Variants in REDIC1 observed in about 807,000 individuals in gnomAD.
REDIC1 encodes HEI10 Interacting Protein 1.
chr12:39,722,995 T>G, the REDIC1 span, among the ~76,000 whole-genome samples: 1 of 152,086 alleles, frequency 6.6e-6, no homozygotes, highest in Non-Finnish European at 1.5e-5. Flanking sequence ...AAACTGAGAT[T>G]GGGTAGTCAG....
chr12:39,733,594 G>A, the REDIC1 span, among the ~76,000 whole-genome samples: 2 of 152,270 alleles, frequency 1.3e-5, no homozygotes. Flanking sequence ...TTTCAGAGAT[G>A]CCCTGCCCAG....
At chr12:39,705,765 T>C in the REDIC1 span, among the ~76,000 whole-genome samples, 1 of 152,048 alleles carries the variant, frequency 6.6e-6, no homozygotes, top group African/African-American at 2.4e-5. Context: ...TTAACATCCC[T>C]TCATGGTAAA....
the REDIC1 span, among the ~76,000 whole-genome samples, chr12:39,895,323 T>C: frequency 6.6e-6 from 1 of 151,312 alleles, no homozygotes; most frequent in Non-Finnish European, 1.5e-5. Context: ...ATCCCGTCTC[T>C]ACTAAAAATA....
At chr12:39,858,138 G>A in the REDIC1 span, among the ~76,000 whole-genome samples, 1 of 152,180 alleles carries the variant, frequency 6.6e-6, no homozygotes, top group Non-Finnish European at 1.5e-5. Context: ...ATGACAGGTG[G>A]ACAGAATCCT....
At chr12:39,786,077 A>G in the REDIC1 span, among the ~76,000 whole-genome samples, 1 of 151,458 alleles carries the variant, frequency 6.6e-6, no homozygotes, top group Non-Finnish European at 1.5e-5. Flanking sequence ...TTGGGAAGGC[A>G]TGATTAGTTT....
At chr12:39,713,378 A>G in the REDIC1 span, among the ~76,000 whole-genome samples, 152 of 137,564 alleles carry the variant, frequency 1.1e-3, 7 homozygotes, top group East Asian at 0.018. Flanking sequence ...ACACATATAC[A>G]TATGTATGTG....
chr12:39,696,404 G>T, the REDIC1 span, among the ~76,000 whole-genome samples: 4 of 149,724 alleles, frequency 2.7e-5, no homozygotes, highest in Non-Finnish European at 6.0e-5. Context: ...TTAGCCGGGC[G>T]TAGTGGCGGG....
At chr12:39,856,890 T>C in the REDIC1 span, among the ~76,000 whole-genome samples, 2 of 152,244 alleles carry the variant, frequency 1.3e-5, no homozygotes, top group Non-Finnish European at 2.9e-5. Flanking sequence ...GGGCCTTGTT[T>C]CATATTTATA....
chr12:39,835,820 T>C, the REDIC1 span: 1 of 152,120 alleles, frequency 6.6e-6, no homozygotes, highest in Non-Finnish European at 1.5e-5. Context: ...ACTTGGTTTA[T>C]GGAAAATAAT....
chr12:39,790,256 CATGTGCACATTG>C, the REDIC1 span, among the ~76,000 whole-genome samples: 3 of 147,948 alleles, frequency 2.0e-5, no homozygotes, highest in Non-Finnish European at 4.4e-5. Flanking sequence ...TTTTAGGGTA[CATGTGCACATTG>C]TGCAGGTTAG....
chr12:39,895,183 C>A, the REDIC1 span, among the ~76,000 whole-genome samples: 1 of 151,922 alleles, frequency 6.6e-6, no homozygotes, highest in Admixed American at 6.6e-5. Flanking sequence ...CCCTGAGTAA[C>A]AAGTAGTGGG....
the REDIC1 span, among the ~76,000 whole-genome samples, chr12:39,681,689 A>G: frequency 5.9e-5 from 9 of 152,182 alleles, no homozygotes; most frequent in Admixed American, 3.3e-4. Context: ...AGCTGTGAAC[A>G]TTCATGGGTA....
At chr12:39,822,582 C>T in the REDIC1 span, among the ~76,000 whole-genome samples, 1 of 152,122 alleles carries the variant, frequency 6.6e-6, no homozygotes, top group African/African-American at 2.4e-5. Context: ...GCTTACTTGC[C>T]CCAATGTTTG....
chr12:39,853,773 T>C, the REDIC1 span, among the ~76,000 whole-genome samples: 1 of 152,110 alleles, frequency 6.6e-6, no homozygotes, highest in Non-Finnish European at 1.5e-5. Context: ...ATAATCTATA[T>C]CTGTTTAGGA....
the REDIC1 span, among the ~76,000 whole-genome samples, chr12:39,708,023 G>A: frequency 6.6e-6 from 1 of 151,676 alleles, no homozygotes; most frequent in African/African-American, 2.4e-5. Context: ...AGGTAGTTGT[G>A]GGGTTGGGAG....
chr12:39,744,703 A>G, the REDIC1 span, among the ~76,000 whole-genome samples: 1 of 152,226 alleles, frequency 6.6e-6, no homozygotes, highest in South Asian at 2.1e-4. Flanking sequence ...TAGTGTAAAT[A>G]AATAAATATA....
the REDIC1 span, among the ~76,000 whole-genome samples, chr12:39,667,429 A>G: frequency 1.6e-4 from 24 of 152,162 alleles, no homozygotes; most frequent in Non-Finnish European, 3.1e-4. Context: ...GTGGTCTGAG[A>G]GACAGTTTGT....
the REDIC1 span, among the ~76,000 whole-genome samples, chr12:39,713,152 C>A: frequency 6.7e-6 from 1 of 148,992 alleles, no homozygotes; most frequent in African/African-American, 2.5e-5. Context: ...TAGATATGTG[C>A]ATATACACAC....
chr12:39,759,879 T>G, the REDIC1 span: 1 of 607,504 alleles, frequency 1.6e-6, no homozygotes, highest in South Asian at 2.2e-5. Flanking sequence ...GGTTGTATCT[T>G]CCTCCTAATC....
Sources: allele counts gnomAD v4.1 joint callset (sites outside exome capture counted in the v4.1 genomes callset), GRCh38; gene constraint gnomAD v4.1.1; transcripts MANE v1.5; gene names NCBI Gene and HGNC (gene_info 2026-07-23, HGNC 2026-07-21).